ST6GALNAC5: variants seen among roughly 807,000 people sequenced by gnomAD.
ST6GALNAC5 encodes ST6 N-acetylgalactosaminide alpha-2,6-sialyltransferase 5.
Under a neutral mutation model 33.6 loss-of-function variants are expected in ST6GALNAC5, and 27 were observed. The observed-to-expected ratio is 0.80, with a 90% CI of 0.59 to 1.11. The LOEUF (loss-of-function observed/expected upper bound fraction) is 1.11. Ranked by LOEUF, ST6GALNAC5 falls within the 50% of genes least tolerant of loss-of-function variation. The pLI, the probability that ST6GALNAC5 is intolerant of heterozygous loss-of-function variation, is 0.00. For synonymous variants in ST6GALNAC5, 194 were observed against 171.2 expected, an observed-to-expected ratio of 1.13 and a Z score of -1.04; for missense variants, 428 against 454.0, an observed-to-expected ratio of 0.94 and a Z score of 0.52.
intron 2 of ST6GALNAC5, among the ~76,000 whole-genome samples, chr1:76,926,328 T>C (rs534927691): frequency 1.3e-5 from 2 of 152,242 alleles, no homozygotes; most frequent in East Asian, 3.9e-4. Flanking sequence ...AACTCAACTA[T>C]CACCCAGCGG....
chr1:76,979,831 G>T (rs377020035), intron 2 of ST6GALNAC5, among the ~76,000 whole-genome samples: 2 of 152,114 alleles, frequency 1.3e-5, no homozygotes, highest in African/African-American at 4.8e-5. Context: ...GGAGGCTGAG[G>T]CATGATAATC....
rs1653404146 is a variant in ST6GALNAC5, at chr1:76,868,442, T to G, written c.16-55T>G. On this transcript the variant is annotated intron_variant, in intron 1 of 4. Transcript: ENST00000477717. This position sits in a 1 kb window ranked among gnomAD's most constrained non-coding sequence, Gnocchi z 4.3. ...GCACAGTTGTCCCCGCTGGGCGCGC[T>G]CCTCCGGTGTCTGCGCTCAGCCGCT... The G allele has an allele frequency of 6.4e-7, 1 of 1,550,962 alleles. No individual in the cohort carries two copies. The highest frequency in any genetic ancestry group is 8.7e-7 in the Non-Finnish European group (1 of 1,146,344).
chr1:77,026,604 G>C (rs1021610600), intron 2 of ST6GALNAC5, among the ~76,000 whole-genome samples: 1 of 152,222 alleles, frequency 6.6e-6, no homozygotes, highest in African/African-American at 2.4e-5. Flanking sequence ...GCTCTGCAAA[G>C]TCAGCAGAGA....
At chr1:76,999,047 T>A (rs1307958246) in intron 2 of ST6GALNAC5, among the ~76,000 whole-genome samples, 1 of 152,180 alleles carries the variant, frequency 6.6e-6, no homozygotes, top group East Asian at 1.9e-4. Context: ...GAGATTCAAT[T>A]TATTCTTGTT....
At chr1:77,021,412 T>G (rs1651049796) in intron 2 of ST6GALNAC5, among the ~76,000 whole-genome samples, 1 of 152,158 alleles carries the variant, frequency 6.6e-6, no homozygotes, top group Non-Finnish European at 1.5e-5. Context: ...AGCAAATGAT[T>G]CCCAAATAGT....
chr1:76,981,833 A>T (rs1048634712), intron 2 of ST6GALNAC5, among the ~76,000 whole-genome samples: 1 of 152,226 alleles, frequency 6.6e-6, no homozygotes, highest in African/African-American at 2.4e-5. Context: ...AATATTTGCT[A>T]TTCTGCAGCC....
intron 2 of ST6GALNAC5, among the ~76,000 whole-genome samples, chr1:76,875,816 G>C (rs1393083751): frequency 6.6e-6 from 1 of 151,322 alleles, no homozygotes; most frequent in Non-Finnish European, 1.5e-5. Flanking sequence ...GCCTTCTGGA[G>C]AACTTTGCCC....
intron 2 of ST6GALNAC5, among the ~76,000 whole-genome samples, chr1:76,961,525 A>G (rs1648240328): frequency 6.6e-6 from 1 of 152,180 alleles, no homozygotes; most frequent in Non-Finnish European, 1.5e-5. Context: ...TGATCTGCCC[A>G]TGCCGCCTTC....
chr1:76,912,648 T>C (rs1646926697), intron 2 of ST6GALNAC5, among the ~76,000 whole-genome samples: 1 of 150,996 alleles, frequency 6.6e-6, no homozygotes. Context: ...TTAGCTCTTC[T>C]TGTTGAATTG....
chr1:76,923,826 A>G (rs1647058922), intron 2 of ST6GALNAC5, among the ~76,000 whole-genome samples: 1 of 152,194 alleles, frequency 6.6e-6, no homozygotes, highest in Admixed American at 6.5e-5. Flanking sequence ...TCAAGATATG[A>G]TGACTTCATA....
chr1:77,029,684 G>A (rs1651378915), intron 2 of ST6GALNAC5, among the ~76,000 whole-genome samples: 1 of 152,198 alleles, frequency 6.6e-6, no homozygotes, highest in African/African-American at 2.4e-5. Flanking sequence ...ATACCTGAGT[G>A]AGGAAAGAAA....
At chr1:76,874,622 C>T (rs754584694) in intron 2 of ST6GALNAC5, among the ~76,000 whole-genome samples, 1 of 152,114 alleles carries the variant, frequency 6.6e-6, no homozygotes, top group African/African-American at 2.4e-5. Flanking sequence ...CTAGGCCCAT[C>T]TCACCATTTC....
intron 2 of ST6GALNAC5, among the ~76,000 whole-genome samples, chr1:77,016,172 C>A (rs1183628583): frequency 1.3e-4 from 2 of 15,318 alleles, no homozygotes; most frequent in African/African-American, 5.8e-4. Flanking sequence ...CCTCCTCCTC[C>A]TGTCCTCCCC....
intron 2 of ST6GALNAC5, among the ~76,000 whole-genome samples, chr1:76,885,004 A>T (rs1191545319): frequency 6.6e-6 from 1 of 152,132 alleles, no homozygotes; most frequent in East Asian, 1.9e-4. Flanking sequence ...CAAGTAAAAG[A>T]CCATTCTTAG....
chr1:76,994,230 G>A (rs1649841279), intron 2 of ST6GALNAC5, among the ~76,000 whole-genome samples: 1 of 152,152 alleles, frequency 6.6e-6, no homozygotes, highest in Admixed American at 6.5e-5. Context: ...ATGTAAAGAT[G>A]TTAGAAGAAA....
chr1:76,982,585 C>G (rs559754063), intron 2 of ST6GALNAC5, among the ~76,000 whole-genome samples: 15 of 152,338 alleles, frequency 9.8e-5, no homozygotes, highest in Admixed American at 7.8e-4. Context: ...TTGGAAAACA[C>G]TCTTCAGGAT....
intron 2 of ST6GALNAC5, among the ~76,000 whole-genome samples, chr1:76,918,307 T>C (rs1237464823): frequency 1.3e-5 from 2 of 151,934 alleles, no homozygotes; most frequent in Non-Finnish European, 1.5e-5. Flanking sequence ...ACATCAGTAA[T>C]GGAAGAGAAA....
At chr1:77,004,382 T>C (rs1650305775) in intron 2 of ST6GALNAC5, among the ~76,000 whole-genome samples, 2 of 147,304 alleles carry the variant, frequency 1.4e-5, no homozygotes, top group South Asian at 4.5e-4. Flanking sequence ...TTATTCTAGT[T>C]ATACATTCTT....
At chr1:77,024,183 G>T (rs189758286) in intron 2 of ST6GALNAC5, among the ~76,000 whole-genome samples, 1 of 152,254 alleles carries the variant, frequency 6.6e-6, no homozygotes, top group East Asian at 1.9e-4. Flanking sequence ...GAATGTTCTC[G>T]TAAGACCTTG....
Sources: allele counts gnomAD v4.1 joint callset (sites outside exome capture counted in the v4.1 genomes callset), GRCh38; gene constraint gnomAD v4.1.1; non-coding constraint Gnocchi (gnomAD v3.1); transcripts MANE v1.5; gene names NCBI Gene and HGNC (gene_info 2026-07-23, HGNC 2026-07-21).